Variants in CAMK2D observed in about 807,000 individuals in gnomAD.
CAMK2D encodes calcium/calmodulin-dependent protein kinase type II subunit delta.
A neutral mutation model predicts 84.0 loss-of-function variants in CAMK2D; 37 were observed. The ratio of observed to expected loss-of-function variants is 0.44; its 90% CI spans 0.34 to 0.58. The LOEUF (loss-of-function observed/expected upper bound fraction) is 0.58. Among genes scored for constraint, CAMK2D ranks in the 20% least tolerant of loss-of-function variants. The pLI is 0.02. For synonymous variants in CAMK2D, 202 were observed against 212.5 expected (o/e 0.95, Z 0.43); for missense variants, 448 against 652.5 (o/e 0.69, Z 3.41).
At chr4:113,619,706 T>C (rs1048697438) in intron 3 of CAMK2D, among the ~76,000 whole-genome samples, 1 of 152,228 alleles carries the variant, frequency 6.6e-6, no homozygotes, top group African/African-American at 2.4e-5. Context: ...TATTCATTTT[T>C]GTAAATACAG....
At chr4:113,496,297 C>G (rs765303891) in intron 16 of CAMK2D, among the ~76,000 whole-genome samples, 1 of 152,158 alleles carries the variant, frequency 6.6e-6, no homozygotes, top group Non-Finnish European at 1.5e-5. Context: ...ATGGAAATGA[C>G]TATTTCAACA....
At chr4:113,676,761 A>G (rs1483645050) in intron 2 of CAMK2D, among the ~76,000 whole-genome samples, 1 of 152,208 alleles carries the variant, frequency 6.6e-6, no homozygotes, top group African/African-American at 2.4e-5. Flanking sequence ...AAAATTCTGT[A>G]CAGACCTTGC....
At chr4:113,696,553 T>A (rs2099403427) in intron 2 of CAMK2D, among the ~76,000 whole-genome samples, 1 of 152,168 alleles carries the variant, frequency 6.6e-6, no homozygotes, top group Admixed American at 6.6e-5. Flanking sequence ...ACCCACCTTC[T>A]AATATCTATT....
At chr4:113,759,294 C>A in intron 2 of CAMK2D, 26 bp downstream of exon 2, 1 of 1,401,196 alleles carries the variant, frequency 7.1e-7, no homozygotes, top group South Asian at 1.2e-5. Flanking sequence ...CAAAATTAAC[C>A]AATATATGTG....
At chr4:113,723,104 T>TA (rs1001207302) in intron 2 of CAMK2D, among the ~76,000 whole-genome samples, 1 of 151,802 alleles carries the variant, frequency 6.6e-6, no homozygotes, top group Non-Finnish European at 1.5e-5. Flanking sequence ...AAAACACATA[T>TA]AAAATTTTTT....
chr4:113,736,655 G>A (rs12507555), intron 2 of CAMK2D, among the ~76,000 whole-genome samples: 50,401 of 152,006 alleles, frequency 0.33, 9,860 homozygotes, highest in Admixed American at 0.49. Context: ...GCAATGTACA[G>A]GGCATTTCAT....
chr4:113,720,890 A>G (rs888129516), intron 2 of CAMK2D, among the ~76,000 whole-genome samples: 1 of 152,114 alleles, frequency 6.6e-6, no homozygotes, highest in African/African-American at 2.4e-5. Context: ...TGCATATTTT[A>G]TTGAATATGC....
At chr4:113,636,314 C>T (rs1476078208) in intron 3 of CAMK2D, among the ~76,000 whole-genome samples, 1 of 152,186 alleles carries the variant, frequency 6.6e-6, no homozygotes, top group Admixed American at 6.5e-5. Flanking sequence ...CCACTGTGTT[C>T]TATTTCCATT....
At chr4:113,625,786 T>C (rs1348156314) in intron 3 of CAMK2D, among the ~76,000 whole-genome samples, 1 of 152,108 alleles carries the variant, frequency 6.6e-6, no homozygotes, top group Non-Finnish European at 1.5e-5. Context: ...GAGGGTGATA[T>C]GCTCTGCTTG....
chr4:113,642,332 T>C (rs1265423700), intron 3 of CAMK2D, among the ~76,000 whole-genome samples: 1 of 152,218 alleles, frequency 6.6e-6, no homozygotes, highest in Non-Finnish European at 1.5e-5. Context: ...GTCATTTCTA[T>C]CTCAAGGAAG....
At chr4:113,746,271 T>A (rs2099603894) in intron 2 of CAMK2D, among the ~76,000 whole-genome samples, 1 of 152,230 alleles carries the variant, frequency 6.6e-6, no homozygotes, top group African/African-American at 2.4e-5. Flanking sequence ...TTTATTTGGT[T>A]TGGATTATTT....
At chr4:113,549,356 A>G (rs1401128761) in intron 5 of CAMK2D, among the ~76,000 whole-genome samples, 1 of 152,262 alleles carries the variant, frequency 6.6e-6, no homozygotes, top group East Asian at 1.9e-4. Flanking sequence ...TAGTGTAAGA[A>G]TACTTTGGGG....
intron 3 of CAMK2D, among the ~76,000 whole-genome samples, chr4:113,611,797 T>C (rs1185820101): frequency 6.6e-6 from 1 of 152,182 alleles, no homozygotes; most frequent in Non-Finnish European, 1.5e-5. Context: ...AGCTAACATG[T>C]GATAAGGGTT....
chr4:113,597,409 G>A (rs2098932212), intron 4 of CAMK2D, among the ~76,000 whole-genome samples: 1 of 152,128 alleles, frequency 6.6e-6, no homozygotes, highest in Non-Finnish European at 1.5e-5. Context: ...GCGCTTTTTT[G>A]TTATGGACAT....
rs529248865 is a variant in CAMK2D, at chr4:113,517,523, C to T, written c.696+40G>A. The T allele has an allele frequency of 6.3e-6, 6 of 951,746 alleles. No homozygotes were observed. In the African/African-American group the frequency reaches 6.5e-5, roughly 10 times the overall value. 59.0% of individuals were successfully genotyped at this position (951,746 alleles called of 1,614,324 possible). The stretch of plus-strand genomic sequence containing the variant: ...TGGCTCTTGGTCAACAGGCAAAAGA[C>T]AAACCTTCATCTAAAGTGATATAAA... On this transcript the variant is annotated intron_variant, in intron 9 of 20. Transcript: ENST00000511664.
At chr4:113,546,389 C>T (rs1218348889) in intron 6 of CAMK2D, among the ~76,000 whole-genome samples, 4 of 152,266 alleles carry the variant, frequency 2.6e-5, no homozygotes, top group South Asian at 2.1e-4. Flanking sequence ...ATATACAGTC[C>T]GATCTTGGCT....
intron 8 of CAMK2D, among the ~76,000 whole-genome samples, chr4:113,521,525 T>G (rs1206933829): frequency 6.6e-6 from 1 of 152,194 alleles, no homozygotes; most frequent in Non-Finnish European, 1.5e-5. Context: ...AGACCAAGAT[T>G]GAGCACTTAC....
chr4:113,542,118 T>C (rs1010375693), intron 6 of CAMK2D, among the ~76,000 whole-genome samples: 1 of 152,200 alleles, frequency 6.6e-6, no homozygotes, highest in Non-Finnish European at 1.5e-5. Context: ...CAGCACACAC[T>C]GCTGGGTAGA....
intron 2 of CAMK2D, among the ~76,000 whole-genome samples, chr4:113,663,532 T>G (rs1460737590): frequency 6.6e-6 from 1 of 151,780 alleles, no homozygotes; most frequent in Non-Finnish European, 1.5e-5. Flanking sequence ...GATGTTGCAG[T>G]GTGCTAAGAA....
Sources: allele counts gnomAD v4.1 joint callset (sites outside exome capture counted in the v4.1 genomes callset), GRCh38; gene constraint gnomAD v4.1.1; transcripts MANE v1.5; gene names NCBI Gene and HGNC (gene_info 2026-07-23, HGNC 2026-07-21).